Variants in PDE9A observed in about 807,000 individuals in gnomAD.
The protein encoded by PDE9A is high affinity cGMP-specific 3',5'-cyclic phosphodiesterase 9A.
Under a neutral mutation model 87.4 loss-of-function variants are expected in PDE9A, and 60 were observed. The ratio of observed to expected loss-of-function variants is 0.69; its 90% CI spans 0.56 to 0.85. The LOEUF (loss-of-function observed/expected upper bound fraction) is 0.85. PDE9A is among the 40% of genes least tolerant of loss of function. The probability of loss-of-function intolerance (pLI) is 0.00; values close to 1 mark genes in which losing one functional copy is unlikely to be tolerated. For missense variants in PDE9A, 665 were observed against 779.0 expected, an observed-to-expected ratio of 0.85 and a Z score of 1.74; for synonymous variants, 272 against 279.4, an observed-to-expected ratio of 0.97 and a Z score of 0.27.
At position 42,731,992 on chromosome 21, in the gene PDE9A, G is replaced by A. The variant is rs373627558; in HGVS notation, c.442+43G>A. On this transcript the variant is annotated intron_variant, in intron 5 of 19. Transcript: ENST00000291539. The stretch of plus-strand genomic sequence containing the variant: ...GGCCACAGCCTCCACCCCCCAACAC[G>A]TGGGATTCGGGCTGCAATGGCCTAC... 6.1e-5 allele frequency: 99 copies of A among 1,611,872 alleles called. 1 individual carries two copies. The highest frequency in any genetic ancestry group is 5.9e-4 in the South Asian group (54 of 90,948).
chr21:42,719,683 A>G (rs1473871293), intron 4 of PDE9A, among the ~76,000 whole-genome samples: 1 of 150,774 alleles, frequency 6.6e-6, no homozygotes, highest in East Asian at 1.9e-4. Flanking sequence ...TCGTTCTTTT[A>G]TAGGAGCATA....
intron 19 of PDE9A, among the ~76,000 whole-genome samples, chr21:42,773,931 T>TG (rs551169203): frequency 1.1e-3 from 162 of 147,454 alleles, no homozygotes; most frequent in Non-Finnish European, 1.8e-3. Flanking sequence ...GGTGAAACCC[T>TG]TCTCTACTAA....
intron 3 of PDE9A, among the ~76,000 whole-genome samples, chr21:42,693,364 T>C (rs1178859402): frequency 6.6e-6 from 1 of 150,790 alleles, no homozygotes; most frequent in Non-Finnish European, 1.5e-5. Flanking sequence ...AGTGGCGCGA[T>C]CTCGGCTCAC....
intron 4 of PDE9A, among the ~76,000 whole-genome samples, chr21:42,726,625 T>TATATATATATATA (rs1555925485): frequency 3.4e-4 from 5 of 14,512 alleles, no homozygotes; most frequent in Non-Finnish European, 5.1e-4. Context: ...TATATATATA[T>TATATATATATATA]TTTTTTTTTT....
intron 10 of PDE9A, among the ~76,000 whole-genome samples, chr21:42,754,657 C>T (rs1045620330): frequency 2.0e-5 from 3 of 152,178 alleles, no homozygotes; most frequent in Non-Finnish European, 4.4e-5. Context: ...ATAATCCCCA[C>T]GTGTCAAGGG....
intron 1 of PDE9A, 98 bp downstream of exon 1, chr21:42,653,981 A>C: frequency 2.1e-6 from 1 of 469,130 alleles, no homozygotes; most frequent in Non-Finnish European, 3.6e-6. Context: ...CTGCCGGTCC[A>C]GGCTGCGGCC....
chr21:42,730,251 T>C (rs1215736253), intron 4 of PDE9A, among the ~76,000 whole-genome samples: 1 of 152,184 alleles, frequency 6.6e-6, no homozygotes, highest in African/African-American at 2.4e-5. Context: ...TATGGCTGTA[T>C]GAAAATTTTC....
chr21:42,687,619 C>T (rs2059547637), intron 2 of PDE9A, among the ~76,000 whole-genome samples: 2 of 152,162 alleles, frequency 1.3e-5, no homozygotes, highest in Admixed American at 1.3e-4. Flanking sequence ...TCCTATTTTA[C>T]CACAGTTTTT....
At chr21:42,670,542 G>A (rs62650034) in intron 1 of PDE9A, among the ~76,000 whole-genome samples, 55,257 of 150,360 alleles carry the variant, frequency 0.37, 13,468 homozygotes, top group African/African-American at 0.71. Context: ...TCACACTCAC[G>A]TACACTTACC....
In PDE9A at chr21:42,681,250, T is replaced by C. The variant is rs933304451; in HGVS notation, c.70-4942T>C. Among the ~76,000 whole-genome samples, 4 of 152,296 alleles carry C rather than the reference T, an allele frequency of 2.6e-5. No homozygotes were observed. In the South Asian group the frequency reaches 8.3e-4, roughly 32 times the overall value. On this transcript the variant is annotated intron_variant, in intron 1 of 19. Transcript: ENST00000291539. ...AGCCATGGACAAAAGGAGTCACTGG[T>C]TACCCAAAGGGCTTCCTGTTCTCAA...
At chr21:42,668,332 C>T (rs919125445) in intron 1 of PDE9A, among the ~76,000 whole-genome samples, 8 of 152,152 alleles carry the variant, frequency 5.3e-5, no homozygotes, top group African/African-American at 1.9e-4. Flanking sequence ...GCAGCAGAGA[C>T]AGACAGAGGC....
At position 42,686,270 on chromosome 21, in the gene PDE9A, C is replaced by G; in HGVS notation, c.140+8C>G. 6.2e-7 allele frequency: 1 copy of G among 1,610,596 alleles called. No homozygotes were observed. Among genetic ancestry groups the G allele is most frequent in the Non-Finnish European group, 8.5e-7 (1 of 1,176,942 alleles). The stretch of plus-strand genomic sequence containing the variant: ...CGCCACCGGCCTGCCTCGGTGAGTG[C>G]GCGCTGCGGGCTCTGCCCGGTGACG... On this transcript the variant is annotated splice_region_variant and intron_variant, in intron 2 of 19. Coordinates refer to ENST00000291539, the MANE Select transcript of PDE9A (RefSeq NM_002606.3).
At chr21:42,745,965 G>A (rs1295206207) in intron 8 of PDE9A, among the ~76,000 whole-genome samples, 2 of 152,228 alleles carry the variant, frequency 1.3e-5, no homozygotes, top group African/African-American at 2.4e-5. Flanking sequence ...CATGCCTCCC[G>A]AAGCTGCCCC....
chr21:42,716,266 G>A (rs900861984), intron 4 of PDE9A, among the ~76,000 whole-genome samples: 6 of 151,742 alleles, frequency 4.0e-5, no homozygotes, highest in Admixed American at 6.6e-5. Context: ...ACAATTGCTG[G>A]ATCTTTTGGT....
chr21:42,680,484 A>AC (rs1356837695), intron 1 of PDE9A, among the ~76,000 whole-genome samples: 2 of 151,890 alleles, frequency 1.3e-5, no homozygotes, highest in African/African-American at 4.8e-5. Flanking sequence ...TGTCAGAAAG[A>AC]CCCCCACCCA....
chr21:42,750,967 G>A (rs2054355986), intron 8 of PDE9A, 149 bp from the exon 9 acceptor site: 1 of 674,806 alleles, frequency 1.5e-6, no homozygotes, highest in Non-Finnish European at 2.7e-6. Flanking sequence ...TTTGCTTCGA[G>A]TGAGTTGCTG....
At chr21:42,662,053 TG>T (rs1485935956) in intron 1 of PDE9A, among the ~76,000 whole-genome samples, 1 of 152,148 alleles carries the variant, frequency 6.6e-6, no homozygotes, top group East Asian at 1.9e-4. Flanking sequence ...CTCTGTGAAG[TG>T]GGGGGAAGTT....
In PDE9A at chr21:42,719,655, A is replaced by T. The variant is rs865858156; in HGVS notation, c.263-12115A>T. On this transcript the variant is annotated intron_variant, in intron 4 of 19. Coordinates refer to ENST00000291539, the MANE Select transcript of PDE9A (RefSeq NM_002606.3). ...AGTCTGTCTCAAAAAAAAAAAAAAAAAAAAAAGAAATATTCCTTCGTTCTT... is the reference window on the plus strand; with the variant it reads ...AGTCTGTCTCAAAAAAAAAAAAAAATAAAAAAGAAATATTCCTTCGTTCTT... 5.3e-5 allele frequency among the ~76,000 whole-genome samples: 8 copies of T among 151,930 alleles called. No homozygotes were observed. In the South Asian group the frequency reaches 8.3e-4, roughly 16 times the overall value.
At chr21:42,758,730 C>T (rs1188773138) in intron 10 of PDE9A, 9 of 411,466 alleles carry the variant, frequency 2.2e-5, no homozygotes, top group Non-Finnish European at 4.0e-5. Context: ...GGAACTGGCC[C>T]TCCACGCCCC....
Sources: allele counts gnomAD v4.1 joint callset (sites outside exome capture counted in the v4.1 genomes callset), GRCh38; gene constraint gnomAD v4.1.1; transcripts MANE v1.5; gene names NCBI Gene and HGNC (gene_info 2026-07-23, HGNC 2026-07-21).